Variants in UBXN2B observed in about 807,000 individuals in gnomAD.
UBXN2B encodes the protein UBX domain protein 2B.
Under a neutral mutation model 37.5 loss-of-function variants are expected in UBXN2B, and 19 were observed. The observed-to-expected ratio is 0.51, with a 90% CI of 0.35 to 0.74. The LOEUF (loss-of-function observed/expected upper bound fraction) is 0.74, where lower values mean the gene tolerates loss of function less well. Among genes scored for constraint, UBXN2B ranks in the 30% least tolerant of loss-of-function variants. The probability of loss-of-function intolerance (pLI) is 0.01; values close to 1 mark genes in which losing one functional copy is unlikely to be tolerated. For missense variants in UBXN2B, 370 were observed against 393.2 expected (o/e 0.94, Z 0.50); for synonymous variants, 145 against 143.8 (o/e 1.01, Z -0.06).
Position 58,449,277 on chromosome 8 carries a change from CATT to C in UBXN2B, c.*1730_*1732del, listed in dbSNP as rs1334985200. The C allele has an allele frequency of 6.6e-6, 1 of 152,198 alleles. No individual in the cohort carries two copies. Among genetic ancestry groups the C allele is most frequent in the Non-Finnish European group, 1.5e-5 (1 of 68,040 alleles). 9.4% of individuals were successfully genotyped at this position (152,198 alleles called of 1,614,324 possible). ...TAGGACATTAACATTTTACATGGAA[CATT>C]ATTCTTGCCTACTACAGTTCCCACC... On this transcript the variant is annotated 3_prime_UTR_variant, in exon 8 of 8. Coordinates refer to ENST00000399598, the MANE Select transcript of UBXN2B (RefSeq NM_001077619.2).
In UBXN2B at chr8:58,429,585, G is replaced by A. The variant is rs181749669; in HGVS notation, c.189-934G>A. On this transcript the variant is annotated intron_variant, in intron 2 of 7. Transcript: ENST00000399598. Reference sequence around the variant, plus strand: ...GATCTTTTCCTTCCTTTACTGCAAAGTGAGAGCTGGTCTGTTCTTTCCTCT... The same window carrying A: ...GATCTTTTCCTTCCTTTACTGCAAAATGAGAGCTGGTCTGTTCTTTCCTCT... 2.4e-4 allele frequency among the ~76,000 whole-genome samples: 36 copies of A among 152,174 alleles called. No individual in the cohort carries two copies. In the East Asian group the frequency reaches 7.0e-3, roughly 30 times the overall value.
intron 1 of UBXN2B, chr8:58,413,156 A>G (rs1034732307): frequency 2.0e-5 from 3 of 151,920 alleles, no homozygotes; most frequent in African/African-American, 7.3e-5. Flanking sequence ...CTTCATTTCC[A>G]CCCTAAGTTA....
intron 6 of UBXN2B, among the ~76,000 whole-genome samples, chr8:58,443,840 C>T (rs1808610107): frequency 2.6e-5 from 4 of 151,950 alleles, no homozygotes; most frequent in Admixed American, 2.6e-4. Flanking sequence ...AATTAATTAA[C>T]ATAACTTTTT....
intron 5 of UBXN2B, among the ~76,000 whole-genome samples, chr8:58,436,800 A>G (rs1038039500): frequency 5.9e-5 from 9 of 152,274 alleles, no homozygotes; most frequent in African/African-American, 2.2e-4. Context: ...CCATGATTGT[A>G]AGTTCCCTGC....
intron 6 of UBXN2B, among the ~76,000 whole-genome samples, chr8:58,445,588 G>A (rs1477143343): frequency 6.6e-6 from 1 of 152,146 alleles, no homozygotes; most frequent in Non-Finnish European, 1.5e-5. Context: ...TGGCTGGGAT[G>A]TGAAACCATG....
chr8:58,446,682 A>G (rs1808678799), intron 7 of UBXN2B, among the ~76,000 whole-genome samples: 1 of 144,410 alleles, frequency 6.9e-6, no homozygotes, highest in Admixed American at 6.9e-5. Flanking sequence ...CACATTTCAT[A>G]GTTTTAGACT....
chr8:58,426,149 G>A, intron 2 of UBXN2B: 1 of 1,001,278 alleles, frequency 1.0e-6, no homozygotes, highest in South Asian at 1.3e-5. Context: ...CTCAGCCAAA[G>A]TGGAAAATTT....
At chr8:58,419,406 C>G (rs985511960) in intron 2 of UBXN2B, among the ~76,000 whole-genome samples, 2 of 151,870 alleles carry the variant, frequency 1.3e-5, no homozygotes, top group African/African-American at 4.8e-5. Context: ...TCATTTTAAG[C>G]CAAGACAGTT....
At chr8:58,416,712 A>C (rs1014637683) in intron 1 of UBXN2B, 138 bp from the exon 2 acceptor site, 1 of 563,054 alleles carries the variant, frequency 1.8e-6, no homozygotes, top group Non-Finnish European at 2.9e-6. Flanking sequence ...TTCAGAAAGG[A>C]ATCATCTGAA....
intron 2 of UBXN2B, among the ~76,000 whole-genome samples, chr8:58,418,449 A>T (rs1807842047): frequency 1.3e-5 from 2 of 152,128 alleles, no homozygotes; most frequent in Admixed American, 1.3e-4. Context: ...TCAGCTACAT[A>T]ATCTAAAATT....
chr8:58,436,519 A>G (rs998255503), intron 5 of UBXN2B, among the ~76,000 whole-genome samples: 2 of 152,184 alleles, frequency 1.3e-5, no homozygotes, highest in Non-Finnish European at 2.9e-5. Flanking sequence ...CTCACAGATC[A>G]CACCATGATG....
At chr8:58,434,708 G>C in intron 5 of UBXN2B, 1 of 1,279,370 alleles carries the variant, frequency 7.8e-7, no homozygotes, top group Admixed American at 2.8e-5. Context: ...TTAATTTTGT[G>C]GGCCAGGGGC....
intron 6 of UBXN2B, among the ~76,000 whole-genome samples, chr8:58,442,518 A>G (rs911999839): frequency 2.0e-5 from 3 of 152,250 alleles, no homozygotes; most frequent in Non-Finnish European, 4.4e-5. Context: ...ATGGCAGTCT[A>G]ATTACACACA....
intron 1 of UBXN2B, among the ~76,000 whole-genome samples, chr8:58,415,184 T>C (rs1807743667): frequency 6.6e-6 from 1 of 151,906 alleles, no homozygotes. Context: ...GTGCTATGAG[T>C]ATTTAGAAAA....
At chr8:58,421,159 T>G (rs1807914243) in intron 2 of UBXN2B, among the ~76,000 whole-genome samples, 1 of 152,192 alleles carries the variant, frequency 6.6e-6, no homozygotes, top group African/African-American at 2.4e-5. Context: ...AAAACAATCT[T>G]GACCATTTTC....
rs765044081 is a variant in UBXN2B at position 58,447,723 on chromosome 8, A to G, written c.*172A>G. ...GAATATAGACAAATTTGGATTAGGAATAGACCTTGAGATAAGTATGTTTGA... is the reference window on the plus strand; with the variant it reads ...GAATATAGACAAATTTGGATTAGGAGTAGACCTTGAGATAAGTATGTTTGA... On this transcript the variant is annotated 3_prime_UTR_variant, in exon 8 of 8. Coordinates refer to ENST00000399598, the MANE Select transcript of UBXN2B (RefSeq NM_001077619.2). 7.1e-5 allele frequency: 39 copies of G among 551,448 alleles called. No homozygotes were observed. The highest frequency in any genetic ancestry group is 1.5e-4 in the South Asian group (3 of 19,664). The allele number at this position is 551,448 out of a possible 1,614,324, so 34.2% of individuals were successfully genotyped here.
Position 58,451,199 on chromosome 8 carries a change from CA to C in UBXN2B, c.*3653del. The C allele has an allele frequency of 6.6e-6, 1 of 151,892 alleles. No individual in the cohort carries two copies. Among genetic ancestry groups the C allele is most frequent in the South Asian group, 2.1e-4 (1 of 4,816 alleles). 9.4% of individuals were successfully genotyped at this position (151,892 alleles called of 1,614,324 possible). ...AGTTGAGTGCCTATAGATGCACATA[CA>C]AAAACAACTGCCATTTTTGTATATA... is the stretch of plus-strand genomic sequence containing the variant. On this transcript the variant is annotated 3_prime_UTR_variant, in exon 8 of 8. Coordinates refer to ENST00000399598, the MANE Select transcript of UBXN2B (RefSeq NM_001077619.2).
At chr8:58,431,931 T>A (rs1307342734) in intron 3 of UBXN2B, among the ~76,000 whole-genome samples, 2 of 152,238 alleles carry the variant, frequency 1.3e-5, no homozygotes, top group Non-Finnish European at 2.9e-5. Context: ...ATTCTCTAAT[T>A]GGATTATTTT....
At chr8:58,446,779 A>ATTTCTTTTTTT (rs1808682639) in intron 7 of UBXN2B, among the ~76,000 whole-genome samples, 1 of 17,386 alleles carries the variant, frequency 5.8e-5, no homozygotes, top group Non-Finnish European at 1.0e-4. Flanking sequence ...TACAACCTGC[A>ATTTCTTTTTTT]TTTTTTTTTT....
Sources: allele counts gnomAD v4.1 joint callset (sites outside exome capture counted in the v4.1 genomes callset), GRCh38; gene constraint gnomAD v4.1.1; transcripts MANE v1.5; gene names NCBI Gene and HGNC (gene_info 2026-07-23, HGNC 2026-07-21).